Variants in SMOC1 observed in about 807,000 individuals in gnomAD.
The protein encoded by SMOC1 is SPARC-related modular calcium-binding protein 1.
Under a neutral mutation model 56.3 loss-of-function variants are expected in SMOC1, and 22 were observed. The observed-to-expected ratio is 0.39, with a 90% CI of 0.28 to 0.56. The LOEUF is 0.56. Among genes scored for constraint, SMOC1 ranks in the 20% least tolerant of loss-of-function variants. The probability of loss-of-function intolerance (pLI) is 0.61; values close to 1 mark genes in which losing one functional copy is unlikely to be tolerated. For missense variants in SMOC1, 509 were observed against 565.4 expected, an observed-to-expected ratio of 0.90 and a Z score of 1.01; for synonymous variants, 193 against 215.0, an observed-to-expected ratio of 0.90 and a Z score of 0.89.
chr14:69,961,383 G>GT (rs1566689625), intron 3 of SMOC1, among the ~76,000 whole-genome samples: 1 of 140,574 alleles, frequency 7.1e-6, no homozygotes, highest in Non-Finnish European at 1.5e-5. Context: ...TTTATTTTTA[G>GT]TTTTTATTAT....
At chr14:70,025,347 A>G (rs907094251) in intron 11 of SMOC1, among the ~76,000 whole-genome samples, 1 of 152,154 alleles carries the variant, frequency 6.6e-6, no homozygotes. Context: ...TGGGAAATGG[A>G]TGGGTTCCCA....
At chr14:70,026,152 A>G (rs1171816344) in intron 11 of SMOC1, among the ~76,000 whole-genome samples, 4 of 152,252 alleles carry the variant, frequency 2.6e-5, no homozygotes, top group Non-Finnish European at 5.9e-5. Context: ...TTCCGGTGAC[A>G]TTATGCTCTG....
chr14:69,882,789 C>G (rs937756460), intron 1 of SMOC1, among the ~76,000 whole-genome samples: 5 of 152,078 alleles, frequency 3.3e-5, no homozygotes, highest in Non-Finnish European at 7.3e-5. Flanking sequence ...CTGTCTTGTC[C>G]AGGGATTTAT....
At position 69,953,449 on chromosome 14, in the gene SMOC1, C is replaced by T. The variant is rs375686461; in HGVS notation, c.295C>T (p.Arg99Trp). The T allele has an allele frequency of 5.0e-6, 8 of 1,614,214 alleles. No individual in the cohort carries two copies. Among genetic ancestry groups the T allele is most frequent in the East Asian group, 4.5e-5 (2 of 44,880 alleles). Residue 99 changes from arginine to tryptophan, a missense_variant, in exon 3 of 12, where the codon CGG becomes TGG. Coordinates refer to ENST00000361956, the MANE Select transcript of SMOC1 (RefSeq NM_001034852.3). Reference sequence around the variant, plus strand: ...TGGCCAGAGCAAGTGTCGCCTGGAGCGGGCTCAAGCCCTGGAGCAAGCCAA... The same window carrying T: ...TGGCCAGAGCAAGTGTCGCCTGGAGTGGGCTCAAGCCCTGGAGCAAGCCAA... The part of the protein sequence containing the change: ...DAGQSKCRLE[R>W]AQALEQAKKP...
chr14:70,025,425 C>T (rs1885888130), intron 11 of SMOC1, among the ~76,000 whole-genome samples: 1 of 152,170 alleles, frequency 6.6e-6, no homozygotes, highest in Admixed American at 6.5e-5. Flanking sequence ...GGCCTTGGTT[C>T]TGGGGCTTAC....
intron 1 of SMOC1, among the ~76,000 whole-genome samples, chr14:69,880,388 T>A (rs1286588874): frequency 6.6e-6 from 1 of 152,116 alleles, no homozygotes; most frequent in African/African-American, 2.4e-5. Context: ...TGCGCAATGT[T>A]CAGGGGTCTC....
In SMOC1 at chr14:69,930,232, C is replaced by T. The variant is rs115521210; in HGVS notation, c.100-21906C>T. ...TCTCACCCCCCTGACAGCACCCTTC[C>T]CACCTCTGCACCTCTCCAGCCAGTT... On this transcript the variant is annotated intron_variant, in intron 1 of 11. Coordinates refer to ENST00000361956, the MANE Select transcript of SMOC1 (RefSeq NM_001034852.3). 6.6e-3 allele frequency among the ~76,000 whole-genome samples: 898 copies of T among 135,686 alleles called. 15 individuals are homozygous for T. Among genetic ancestry groups the T allele is most frequent in the African/African-American group, 0.028 (841 of 29,722 alleles). The allele number at this position is 135,686 out of a possible 152,430, so 89.0% of individuals were successfully genotyped here.
chr14:69,974,625 C>G (rs1354018879), intron 3 of SMOC1, among the ~76,000 whole-genome samples: 1 of 152,038 alleles, frequency 6.6e-6, no homozygotes, highest in African/African-American at 2.4e-5. Flanking sequence ...GGGAAGTAGG[C>G]CTTAATGTGT....
At chr14:69,959,462 T>C (rs1386690140) in intron 3 of SMOC1, among the ~76,000 whole-genome samples, 1 of 152,222 alleles carries the variant, frequency 6.6e-6, no homozygotes, top group Non-Finnish European at 1.5e-5. Flanking sequence ...TCTAATAATA[T>C]AGAATATAAA....
intron 1 of SMOC1, among the ~76,000 whole-genome samples, chr14:69,933,525 C>T (rs1370212052): frequency 6.6e-6 from 1 of 152,016 alleles, no homozygotes; most frequent in Non-Finnish European, 1.5e-5. Context: ...ATGTAAAAGA[C>T]ATTTTTTTGT....
chr14:69,919,477 C>A (rs1357707749), intron 1 of SMOC1, among the ~76,000 whole-genome samples: 2 of 152,188 alleles, frequency 1.3e-5, no homozygotes, highest in African/African-American at 4.8e-5. Context: ...ATTATCACTA[C>A]TAATATTTAC....
rs116206887 is a variant in SMOC1, at chr14:69,888,310, C to T, written c.99+8533C>T. ...TAGGTGACTATAGGGTTTTCTTTTG[C>T]ATCCAACATCATTCGGAATTCAGTT... is the stretch of plus-strand genomic sequence containing the variant. On this transcript the variant is annotated intron_variant, in intron 1 of 11. Coordinates refer to ENST00000361956, the MANE Select transcript of SMOC1 (RefSeq NM_001034852.3). Among the ~76,000 whole-genome samples, 969 of 152,318 alleles carry T rather than the reference C, an allele frequency of 6.4e-3. 16 individuals are homozygous for T. Among genetic ancestry groups the T allele is most frequent in the African/African-American group, 0.023 (937 of 41,554 alleles).
chr14:70,012,052 G>A (rs576883907), intron 9 of SMOC1, among the ~76,000 whole-genome samples: 7 of 152,316 alleles, frequency 4.6e-5, no homozygotes, highest in Admixed American at 1.3e-4. Context: ...TGATGTGCGG[G>A]TTTCCCCTTA....
chr14:69,907,447 T>A (rs1470216721), intron 1 of SMOC1, among the ~76,000 whole-genome samples: 1 of 152,188 alleles, frequency 6.6e-6, no homozygotes, highest in South Asian at 2.1e-4. Flanking sequence ...CCTTTCTGAG[T>A]CTTCTACCCA....
At chr14:69,956,030 C>G (rs1883172179) in intron 3 of SMOC1, among the ~76,000 whole-genome samples, 1 of 152,206 alleles carries the variant, frequency 6.6e-6, no homozygotes, top group Non-Finnish European at 1.5e-5. Flanking sequence ...TCGTGACAGA[C>G]AGCCCACTGG....
intron 7 of SMOC1, among the ~76,000 whole-genome samples, chr14:70,002,283 T>C (rs1258460282): frequency 6.6e-6 from 1 of 152,212 alleles, no homozygotes. Flanking sequence ...AAGGGCTTTT[T>C]AGCTTAAAGG....
At chr14:70,011,457 A>ATC in intron 8 of SMOC1, 28 bp from the exon 9 acceptor site, 2 of 448,418 alleles carry the variant, frequency 4.5e-6, no homozygotes, top group Non-Finnish European at 6.7e-6. Flanking sequence ...AGCCCCTCCC[A>ATC]ACCCCCCCCA....
chr14:69,975,565 C>T (rs887081514), intron 3 of SMOC1, 150 bp from the exon 4 acceptor site: 5 of 711,346 alleles, frequency 7.0e-6, no homozygotes, highest in African/African-American at 1.7e-5. Flanking sequence ...ACTGGACCAC[C>T]CATGAGAGAC....
chr14:69,991,679 A>G (rs1246556573), intron 5 of SMOC1, among the ~76,000 whole-genome samples: 1 of 152,172 alleles, frequency 6.6e-6, no homozygotes, highest in African/African-American at 2.4e-5. Flanking sequence ...TGCTCCAATC[A>G]TCTATGTTAG....
Sources: gnomAD v4.1 joint callset for allele counts (sites outside exome capture counted in the v4.1 genomes callset) on GRCh38, gnomAD v4.1.1 for gene constraint, MANE v1.5 for transcripts, NCBI Gene and HGNC (gene_info 2026-07-23, HGNC 2026-07-21) for gene names.